The following MCTP1 variants were observed in gnomAD, a reference collection of about 807,000 sequenced individuals.
MCTP1 encodes the protein multiple C2 and transmembrane domain-containing protein 1.
A neutral mutation model predicts 120.6 loss-of-function variants in MCTP1; 69 were observed. The ratio of observed to expected loss-of-function variants is 0.57; its 90% CI spans 0.47 to 0.70. The LOEUF (loss-of-function observed/expected upper bound fraction) is 0.70, where lower values mean the gene tolerates loss of function less well. MCTP1 is among the 30% of genes least tolerant of loss of function. The pLI, the probability that MCTP1 is intolerant of heterozygous loss-of-function variation, is 0.00. For missense variants in MCTP1, 1,203 were observed against 1,248.8 expected (o/e 0.96, Z 0.55); for synonymous variants, 529 against 493.1 (o/e 1.07, Z -0.96).
chr5:94,750,746 G>A (rs768332304), intron 19 of MCTP1, among the ~76,000 whole-genome samples: 1 of 152,226 alleles, frequency 6.6e-6, no homozygotes, highest in African/African-American at 2.4e-5. Flanking sequence ...AAGACTTGCA[G>A]TTATTACTGC....
Position 94,924,786 on chromosome 5 carries a change from A to G in MCTP1, c.1213-765T>C, listed in dbSNP as rs1371518420. 2.6e-5 allele frequency among the ~76,000 whole-genome samples: 4 copies of G among 152,322 alleles called. No homozygotes were observed. In the East Asian group the frequency reaches 7.7e-4, roughly 29 times the overall value. Reference sequence around the variant, plus strand: ...GTCAGTTATGATAAAGTTTCAGGAAACTGATGACAGTCATGGGAAAGCATC... The same window carrying G: ...GTCAGTTATGATAAAGTTTCAGGAAGCTGATGACAGTCATGGGAAAGCATC... On this transcript the variant is annotated intron_variant, in intron 6 of 22. Coordinates refer to ENST00000515393, the MANE Select transcript of MCTP1 (RefSeq NM_024717.7).
intron 7 of MCTP1, among the ~76,000 whole-genome samples, chr5:94,922,470 G>A (rs1483246150): frequency 1.3e-5 from 2 of 151,146 alleles, no homozygotes; most frequent in Non-Finnish European, 2.9e-5. Flanking sequence ...TACTCTCAAA[G>A]AAGTGTGCCA....
chr5:94,796,148 G>A (rs921854853), intron 18 of MCTP1, among the ~76,000 whole-genome samples: 1 of 151,852 alleles, frequency 6.6e-6, no homozygotes, highest in Non-Finnish European at 1.5e-5. Flanking sequence ...CTTCAACTTC[G>A]TATGTCACGG....
intron 1 of MCTP1, among the ~76,000 whole-genome samples, chr5:95,045,993 G>C (rs899593730): frequency 1.3e-5 from 2 of 152,110 alleles, no homozygotes; most frequent in African/African-American, 4.8e-5. Flanking sequence ...ATTGGGCTCT[G>C]AGAATTTAAT....
intron 1 of MCTP1, among the ~76,000 whole-genome samples, chr5:95,204,269 G>A (rs1751382409): frequency 6.6e-6 from 1 of 152,076 alleles, no homozygotes; most frequent in African/African-American, 2.4e-5. Context: ...TGGTCTTAGA[G>A]AATAAGAGGG....
At chr5:94,837,378 C>G (rs1790030248) in intron 17 of MCTP1, among the ~76,000 whole-genome samples, 1 of 152,058 alleles carries the variant, frequency 6.6e-6, no homozygotes, top group African/African-American at 2.4e-5. Context: ...GACACCCTGT[C>G]TCAAACAAAC....
intron 1 of MCTP1, among the ~76,000 whole-genome samples, chr5:95,116,412 A>G (rs1757829898): frequency 6.6e-6 from 1 of 152,218 alleles, no homozygotes; most frequent in South Asian, 2.1e-4. Context: ...AGGAAGCAGT[A>G]CCATGCTGTT....
chr5:95,063,751 C>T (rs897890764), intron 1 of MCTP1, among the ~76,000 whole-genome samples: 1 of 152,116 alleles, frequency 6.6e-6, no homozygotes, highest in Admixed American at 6.5e-5. Context: ...CATGCAGCAC[C>T]ACACCTGGCT....
At chr5:95,087,464 A>G (rs766529690) in intron 1 of MCTP1, among the ~76,000 whole-genome samples, 1 of 152,164 alleles carries the variant, frequency 6.6e-6, no homozygotes, top group Non-Finnish European at 1.5e-5. Flanking sequence ...CCTTTAAAGG[A>G]GACAGTCTCT....
At chr5:94,902,918 C>G (rs912583458) in intron 10 of MCTP1, among the ~76,000 whole-genome samples, 6 of 152,162 alleles carry the variant, frequency 3.9e-5, no homozygotes, top group African/African-American at 1.4e-4. Flanking sequence ...TGTATGGTAA[C>G]TGTCTTTGAG....
intron 1 of MCTP1, among the ~76,000 whole-genome samples, chr5:95,035,714 T>A (rs1581954955): frequency 6.6e-6 from 1 of 152,212 alleles, no homozygotes; most frequent in South Asian, 2.1e-4. Context: ...ACCTCTTGAA[T>A]GTGTAATTAA....
chr5:95,198,937 T>G (rs184793398), intron 1 of MCTP1, among the ~76,000 whole-genome samples: 12 of 152,358 alleles, frequency 7.9e-5, no homozygotes, highest in Admixed American at 5.9e-4. Context: ...TCTTTTACTC[T>G]GTATTGATTT....
intron 2 of MCTP1, among the ~76,000 whole-genome samples, chr5:94,967,247 G>A (rs1218037064): frequency 6.6e-6 from 1 of 152,158 alleles, no homozygotes; most frequent in Non-Finnish European, 1.5e-5. Context: ...GAATCCTGCT[G>A]GGTGGTCTGC....
chr5:94,746,967 C>T (rs1374579424), intron 19 of MCTP1, among the ~76,000 whole-genome samples: 2 of 152,132 alleles, frequency 1.3e-5, no homozygotes, highest in Admixed American at 6.5e-5. Flanking sequence ...CTTTAAGTTC[C>T]TCTTTTGGCT....
At chr5:95,234,984 T>C (rs906740309) in intron 1 of MCTP1, among the ~76,000 whole-genome samples, 1 of 152,092 alleles carries the variant, frequency 6.6e-6, no homozygotes, top group African/African-American at 2.4e-5. Context: ...CAACTAATTC[T>C]ATGAAGCCAT....
At chr5:94,934,737 G>GT (rs3030499) in intron 5 of MCTP1, among the ~76,000 whole-genome samples, 73,061 of 136,542 alleles carry the variant, frequency 0.54, 19,924 homozygotes, top group East Asian at 0.67. Flanking sequence ...AGATAAAGAA[G>GT]TTTTTTTTTT....
chr5:95,075,262 T>C (rs996400917), intron 1 of MCTP1, among the ~76,000 whole-genome samples: 1 of 152,236 alleles, frequency 6.6e-6, no homozygotes, highest in Non-Finnish European at 1.5e-5. Flanking sequence ...AAACCAAAAG[T>C]AACTCTACAT....
rs149326461 is a variant in MCTP1 at position 95,261,067 on chromosome 5, G to A, written c.720+22789C>T. Reference sequence around the variant, plus strand: ...TCCCATTAGACTGTGAAACTTTTCCGAGGTAGATTCTATTCCTCTAGATAG... The same window carrying A: ...TCCCATTAGACTGTGAAACTTTTCCAAGGTAGATTCTATTCCTCTAGATAG... On this transcript the variant is annotated intron_variant, in intron 1 of 22. Transcript: ENST00000515393. Among the ~76,000 whole-genome samples, 1,104 of 152,252 alleles carry A rather than the reference G, an allele frequency of 7.3e-3. 11 individuals carry two copies. The highest frequency in any genetic ancestry group is 0.011 in the Non-Finnish European group (780 of 68,026).
chr5:94,817,232 G>A (rs772687667), intron 17 of MCTP1, among the ~76,000 whole-genome samples: 4 of 151,996 alleles, frequency 2.6e-5, no homozygotes, highest in East Asian at 3.9e-4. Flanking sequence ...GTGAAACCTC[G>A]TCTCTACTAA....
Sources: allele counts gnomAD v4.1 joint callset (sites outside exome capture counted in the v4.1 genomes callset), GRCh38; gene constraint gnomAD v4.1.1; transcripts MANE v1.5; gene names NCBI Gene and HGNC (gene_info 2026-07-23, HGNC 2026-07-21).